ATP11C: variants seen among roughly 807,000 people sequenced by gnomAD.
ATP11C encodes the protein ATPase phospholipid transporting 11C (ATP11C blood group), also known as phospholipid-transporting ATPase IG.
Under a neutral mutation model 97.4 loss-of-function variants are expected in ATP11C, and 36 were observed. The ratio of observed to expected loss-of-function variants is 0.37; its 90% CI spans 0.28 to 0.49. The LOEUF (loss-of-function observed/expected upper bound fraction) is 0.49, where lower values mean the gene tolerates loss of function less well. Among genes scored for constraint, ATP11C ranks in the 20% least tolerant of loss-of-function variants. The pLI is 0.98. For missense variants in ATP11C, 730 were observed against 824.6 expected, an observed-to-expected ratio of 0.89 and a Z score of 1.40; for synonymous variants, 275 against 290.9, an observed-to-expected ratio of 0.95 and a Z score of 0.56.
intron 1 of ATP11C, among the ~76,000 whole-genome samples, chrX:139,844,137 G>A (rs2083875527): frequency 8.9e-6 from 1 of 111,767 alleles, no homozygotes; most frequent in Admixed American, 9.5e-5. Context: ...AATGAACTAT[G>A]CCACGCTAAC....
intron 1 of ATP11C, among the ~76,000 whole-genome samples, chrX:139,880,281 G>C (rs758268692): frequency 1.8e-5 from 2 of 111,604 alleles, no homozygotes; most frequent in East Asian, 2.8e-4. Context: ...GACTTTAGCA[G>C]GAGAAGGCTT....
intron 12 of ATP11C, among the ~76,000 whole-genome samples, chrX:139,789,967 T>G: frequency 9.1e-6 from 1 of 109,518 alleles, no homozygotes; most frequent in East Asian, 2.9e-4. Context: ...GAGACAAAGG[T>G]TGCAGTGAGC....
chrX:139,769,409 G>A (rs1224300731), intron 19 of ATP11C, among the ~76,000 whole-genome samples: 1 of 98,308 alleles, frequency 1.0e-5, no homozygotes, highest in African/African-American at 3.7e-5. Context: ...TTTAAAAATT[G>A]CCCATGCCTG....
At chrX:139,847,001 T>C (rs940081015) in intron 1 of ATP11C, among the ~76,000 whole-genome samples, 5 of 110,231 alleles carry the variant, frequency 4.5e-5, no homozygotes, top group African/African-American at 1.7e-4. Flanking sequence ...CAATTGCCTA[T>C]CCTGATCTAC....
intron 1 of ATP11C, among the ~76,000 whole-genome samples, chrX:139,853,017 C>A (rs747549495): frequency 2.4e-4 from 27 of 110,702 alleles, no homozygotes; most frequent in Non-Finnish European, 4.4e-4. Context: ...AGGGGTTGAG[C>A]CTTCTGAGAC....
At position 139,757,838 on chromosome X, in the gene ATP11C, C is replaced by T. The variant is rs1050241113; in HGVS notation, c.2670G>A (p.Leu890=). 4.2e-6 allele frequency: 5 copies of T among 1,177,137 alleles called. No homozygotes were observed. The highest frequency in any genetic ancestry group is 5.7e-6 in the Non-Finnish European group (5 of 877,012). Reference sequence around the variant, plus strand: ...GTGAGAATCCACAGAAGAACTGGTACAAAAACTGTGGCAAAATGAAACAAA... The same window carrying T: ...GTGAGAATCCACAGAAGAACTGGTATAAAAACTGTGGCAAAATGAAACAAA... ...KNLCFILPQF[L]YQFFCGFSQQ... The change falls in exon 23 of 30, where the codon TTG becomes TTA. Residue 890 remains leucine, a synonymous_variant. Transcript: ENST00000682941.
At chrX:139,935,738 G>T (rs188500561), upstream of ATP11C, among the ~76,000 whole-genome samples, 339 of 111,352 alleles carry the variant, frequency 3.0e-3, 1 homozygote, top group Non-Finnish European at 4.7e-3. Flanking sequence ...TTTATTCCAG[G>T]TATTTTTATG....
chrX:139,851,850 T>C (rs1385777698), intron 1 of ATP11C, among the ~76,000 whole-genome samples: 1 of 112,257 alleles, frequency 8.9e-6, no homozygotes, highest in African/African-American at 3.2e-5. Flanking sequence ...TGGTTATTCC[T>C]CCCTTTTGGA....
chrX:139,797,329 G>C lies in ATP11C; in HGVS notation c.858-3C>G. ...CAATCAGGAAAGCATTAATAGATCT[G>C]AAAAATAAGATAGCATGGATTTTAA... is the stretch of plus-strand genomic sequence containing the variant. On this transcript the variant is annotated splice_region_variant and splice_polypyrimidine_tract_variant and intron_variant, in intron 10 of 29. Transcript: ENST00000682941. 1 of 1,144,132 alleles carries C rather than the reference G, an allele frequency of 8.7e-7. No individual in the cohort carries two copies. Among genetic ancestry groups the C allele is most frequent in the Non-Finnish European group, 1.2e-6 (1 of 851,243 alleles). The allele number at this position is 1,144,132 out of a possible 1,213,427, so 94.3% of individuals were successfully genotyped here.
At position 139,736,378 on chromosome X, in the gene ATP11C, T is replaced by C. The variant is rs190007619; in HGVS notation, c.3288+1538A>G. On this transcript the variant is annotated intron_variant, in intron 28 of 29. Coordinates refer to ENST00000682941, the MANE Select transcript of ATP11C (RefSeq NM_001353812.2). ...AGACCATGTAGCTGGGTGTGAGTCATTATTTAAAATGAGCTCCATTACCTC... is the reference window on the plus strand; with the variant it reads ...AGACCATGTAGCTGGGTGTGAGTCACTATTTAAAATGAGCTCCATTACCTC... 4.8e-4 allele frequency among the ~76,000 whole-genome samples: 54 copies of C among 111,735 alleles called. 1 individual carries two copies. The highest frequency in any genetic ancestry group is 2.8e-4 in the East Asian group (1 of 3,523).
chrX:139,823,392 T>C (rs1035478095), intron 2 of ATP11C, among the ~76,000 whole-genome samples: 1 of 112,389 alleles, frequency 8.9e-6, no homozygotes, highest in Non-Finnish European at 1.9e-5. Flanking sequence ...ACCAAAACTT[T>C]ATAAACTTAC....
intron 5 of ATP11C, among the ~76,000 whole-genome samples, chrX:139,810,345 C>CT (rs930611202): frequency 1.8e-5 from 2 of 111,413 alleles, no homozygotes; most frequent in African/African-American, 6.5e-5. Flanking sequence ...ATCCCAGCTA[C>CT]TTGGGAGGCT....
intron 1 of ATP11C, among the ~76,000 whole-genome samples, chrX:139,844,674 T>C (rs1266535140): frequency 8.9e-6 from 1 of 112,001 alleles, no homozygotes; most frequent in African/African-American, 3.2e-5. Flanking sequence ...TAGGGGCCTG[T>C]GTATTTGTGA....
chrX:139,876,761 G>A (rs914264638), intron 1 of ATP11C, among the ~76,000 whole-genome samples: 6 of 112,362 alleles, frequency 5.3e-5, no homozygotes, highest in Admixed American at 1.9e-4. Flanking sequence ...CCTGGCATTT[G>A]CTAGAGGAAC....
At chrX:139,778,003 G>A (rs952220201) in intron 18 of ATP11C, among the ~76,000 whole-genome samples, 9 of 109,659 alleles carry the variant, frequency 8.2e-5, no homozygotes, top group Admixed American at 7.8e-4. Flanking sequence ...CTACAAGCAC[G>A]TGTCACCATG....
At chrX:139,806,470 A>C (rs1202757727) in intron 5 of ATP11C, among the ~76,000 whole-genome samples, 2 of 112,188 alleles carry the variant, frequency 1.8e-5, no homozygotes, top group Non-Finnish European at 3.8e-5. Flanking sequence ...AAAGGGTAAC[A>C]AGTGTTTCTG....
chrX:139,781,063 C>T (rs1173096197), intron 18 of ATP11C, among the ~76,000 whole-genome samples: 2 of 110,866 alleles, frequency 1.8e-5, no homozygotes, highest in Non-Finnish European at 3.8e-5. Context: ...ACATGTACTA[C>T]CTGAATGTAT....
At chrX:139,857,722 C>G (rs1017941778) in intron 1 of ATP11C, among the ~76,000 whole-genome samples, 3 of 110,852 alleles carry the variant, frequency 2.7e-5, no homozygotes, top group African/African-American at 9.9e-5. Flanking sequence ...ATTATTCCAT[C>G]TGTAAGGGCG....
chrX:139,769,956 A>G (rs2082221699), intron 19 of ATP11C, among the ~76,000 whole-genome samples: 2 of 111,652 alleles, frequency 1.8e-5, no homozygotes, highest in Admixed American at 1.9e-4. Flanking sequence ...CCTTTATTCC[A>G]TATTTCTTCA....
Sources: gnomAD v4.1 joint callset for allele counts (sites outside exome capture counted in the v4.1 genomes callset) on GRCh38, gnomAD v4.1.1 for gene constraint, MANE v1.5 for transcripts, NCBI Gene and HGNC (gene_info 2026-07-23, HGNC 2026-07-21) for gene names.